The following SACS variants were observed in gnomAD, a reference collection of about 807,000 sequenced individuals.
SACS encodes sacsin.
SACS carries 197 observed loss-of-function variants against 348.0 expected under a neutral mutation model. That is an observed-to-expected ratio of 0.57 (90% CI 0.50 to 0.64). The LOEUF is 0.64. SACS is among the 30% of genes least tolerant of loss of function. The pLI is 0.00. For missense variants in SACS, 4,999 were observed against 5,360.8 expected (o/e 0.93, Z 2.11); for synonymous variants, 1,985 against 1,910.6 (o/e 1.04, Z -1.02).
intron 9 of SACS, among the ~76,000 whole-genome samples, chr13:23,343,474 CAGG>C (rs1331332664): frequency 6.6e-6 from 1 of 152,182 alleles, no homozygotes; most frequent in Non-Finnish European, 1.5e-5. Flanking sequence ...AACACGAGGT[CAGG>C]AGTTCAAGAC....
intron 2 of SACS, among the ~76,000 whole-genome samples, chr13:23,407,820 G>A (rs1873299816): frequency 6.6e-6 from 1 of 152,146 alleles, no homozygotes; most frequent in South Asian, 2.1e-4. Flanking sequence ...AGTTCAGACA[G>A]AATCCCCTGA....
In SACS at chr13:23,339,468, C is replaced by T; in HGVS notation, c.4408G>A (p.Glu1470Lys). 6.2e-7 allele frequency: 1 copy of T among 1,605,986 alleles called. No individual in the cohort carries two copies. ...LTVRIKNILEEYPSVSDIFKE... is the reference protein window; with the variant it reads ...LTVRIKNILEKYPSVSDIFKE... ...AAAATATCTGACACTGAAGGGTATT[C>T]TTCCAGAATATTTTTAATTCTTACA... Residue 1470 changes from glutamate to lysine, a missense_variant, in exon 10 of 10, where the codon GAA becomes AAA. Glu to Lys is a moderately conservative substitution (Grantham distance 56, BLOSUM62 1). Transcript: ENST00000382292.
In SACS at chr13:23,333,913, A is replaced by C; in HGVS notation, c.9963T>G (p.Phe3321Leu). Reference sequence around the variant, plus strand: ...TACAGCCAGCTTTCATTAGAGCATGAAAAACTTTATCACTCTGGGCATTTG... The same window carrying C: ...TACAGCCAGCTTTCATTAGAGCATGCAAAACTTTATCACTCTGGGCATTTG... Reference protein sequence around the residue: ...VFPNAQSDKVFHALMKAGCIQ... With the variant: ...VFPNAQSDKVLHALMKAGCIQ... The change falls in exon 10 of 10, where the codon TTT becomes TTG. Residue 3321 changes from phenylalanine (F) to leucine (L), a missense_variant. Phe to Leu is a conservative substitution (Grantham distance 22). Around this residue, in one of 6 missense-constraint regions of SACS, gnomAD observed 734 missense variants for 694.0 expected, o/e 1.06. Coordinates refer to ENST00000382292, the MANE Select transcript of SACS (RefSeq NM_014363.6). The C allele has an allele frequency of 6.2e-7, 1 of 1,613,854 alleles. No homozygotes were observed.
At chr13:23,381,759 C>A (rs1440812911) in intron 2 of SACS, among the ~76,000 whole-genome samples, 2 of 148,326 alleles carry the variant, frequency 1.3e-5, no homozygotes, top group African/African-American at 4.9e-5. Context: ...TGCTTACATT[C>A]ATTAAAGGTT....
intron 1 of SACS, among the ~76,000 whole-genome samples, chr13:23,418,513 T>G (rs979071393): frequency 1.4e-5 from 1 of 70,832 alleles, no homozygotes; most frequent in Non-Finnish European, 3.7e-5. Flanking sequence ...CACCCATTTC[T>G]TTTTTTTACC....
chr13:23,422,565 C>T (rs1873994330), intron 1 of SACS, among the ~76,000 whole-genome samples: 1 of 152,110 alleles, frequency 6.6e-6, no homozygotes. Flanking sequence ...TAAGGAATGA[C>T]ATTCCAGAGG....
At chr13:23,429,641 G>C (rs1489198475) in intron 1 of SACS, among the ~76,000 whole-genome samples, 1 of 151,916 alleles carries the variant, frequency 6.6e-6, no homozygotes, top group African/African-American at 2.4e-5. Context: ...GGGATTACAG[G>C]CGTGAGCCAC....
In SACS at chr13:23,390,710, T is replaced by C. The variant is rs184565602; in HGVS notation, c.21-15441A>G. The stretch of plus-strand genomic sequence containing the variant: ...AAGTAAATAAAATCCTAATGTGTTA[T>C]ACTGGGTAATACATTTGTTTTATGT... On this transcript the variant is annotated intron_variant, in intron 2 of 9. Transcript: ENST00000382292. Among the ~76,000 whole-genome samples, 296 of 152,334 alleles carry C rather than the reference T, an allele frequency of 1.9e-3. 3 individuals carry two copies. Among genetic ancestry groups the C allele is most frequent in the African/African-American group, 6.9e-3 (287 of 41,572 alleles).
At chr13:23,375,426 A>C in intron 2 of SACS, 157 bp from the exon 3 acceptor site, 2 of 1,197,880 alleles carry the variant, frequency 1.7e-6, no homozygotes, top group Non-Finnish European at 2.1e-6. Flanking sequence ...GGCCGGCCCT[A>C]CCGCGTCCAC....
intron 1 of SACS, among the ~76,000 whole-genome samples, chr13:23,425,393 T>C: frequency 6.6e-6 from 1 of 152,112 alleles, no homozygotes; most frequent in African/African-American, 2.4e-5. Flanking sequence ...TGTGCCAAAC[T>C]GGGACCTGAT....
At chr13:23,356,836 G>C (rs541705109) in intron 7 of SACS, among the ~76,000 whole-genome samples, 3 of 152,126 alleles carry the variant, frequency 2.0e-5, no homozygotes, top group Non-Finnish European at 2.9e-5. Flanking sequence ...TAATACCTAC[G>C]GTCGTCAAGC....
At chr13:23,359,203 A>T (rs971905474) in intron 6 of SACS, among the ~76,000 whole-genome samples, 2 of 152,188 alleles carry the variant, frequency 1.3e-5, no homozygotes, top group African/African-American at 4.8e-5. Flanking sequence ...AAAAAGAAAA[A>T]GAAATATGGA....
In SACS at chr13:23,333,286, A is replaced by C; in HGVS notation, c.10590T>G (p.Ala3530=). 1 of 1,605,366 alleles carries C rather than the reference A, an allele frequency of 6.2e-7. No individual in the cohort carries two copies. The highest frequency in any genetic ancestry group is 8.5e-7 in the Non-Finnish European group (1 of 1,177,328). The stretch of plus-strand genomic sequence containing the variant: ...GCTTTGCTTGCTTTAGTCTACTGTT[A>C]GCATCATGGATTATCAATAAACTTT... ...KLESLLIIHD[A]NSRLKQAKHF... is the part of the protein sequence containing the mutation. Residue 3530 remains alanine (A), a synonymous_variant, in exon 10 of 10, where the codon GCT becomes GCG. Coordinates refer to ENST00000382292, the MANE Select transcript of SACS (RefSeq NM_014363.6).
chr13:23,360,239 C>G (rs1303475440), intron 6 of SACS, among the ~76,000 whole-genome samples: 1 of 152,060 alleles, frequency 6.6e-6, no homozygotes, highest in Non-Finnish European at 1.5e-5. Context: ...GTATATGATA[C>G]TGTCAGTCTT....
rs1593126754 is a variant in SACS, at chr13:23,335,772, G to A, written c.8104C>T (p.Leu2702Phe). ...LDNCTMFRFP[L>F]RNAEMAKVSE... is the part of the protein sequence containing the mutation. ...ACTTTTGCCATTTCTGCATTACGAA[G>A]AGGAAATCTGAACATTGTGCAATTA... The change falls in exon 10 of 10, where the codon CTT becomes TTT. Residue 2702 changes from leucine to phenylalanine, a missense_variant. Around this residue, in one of 6 missense-constraint regions of SACS, gnomAD observed 3,156 missense variants for 3,380.1 expected, o/e 0.93. Coordinates refer to ENST00000382292, the MANE Select transcript of SACS (RefSeq NM_014363.6). The surrounding 1 kb of genome is among the most constrained non-coding windows in gnomAD (Gnocchi z 4.7). 4.3e-6 allele frequency: 7 copies of A among 1,613,924 alleles called. No individual in the cohort carries two copies. The highest frequency in any genetic ancestry group is 2.7e-5 in the African/African-American group (2 of 74,918).
intron 5 of SACS, among the ~76,000 whole-genome samples, chr13:23,368,036 T>C (rs1871166586): frequency 6.6e-6 from 1 of 152,218 alleles, no homozygotes; most frequent in South Asian, 2.1e-4. Context: ...TTCAAGCCTC[T>C]AATCGTAGAA....
At position 23,408,131 on chromosome 13, in the gene SACS, G is replaced by C. The variant is rs115547216; in HGVS notation, c.20+3089C>G. 8.5e-3 allele frequency among the ~76,000 whole-genome samples: 1,289 copies of C among 152,280 alleles called. 16 individuals are homozygous for C. Among genetic ancestry groups the C allele is most frequent in the African/African-American group, 0.03 (1,251 of 41,544 alleles). On this transcript the variant is annotated intron_variant, in intron 2 of 9. Coordinates refer to ENST00000382292, the MANE Select transcript of SACS (RefSeq NM_014363.6). ...GGTGTCAGAATATGATTTTGAGCAA[G>C]TCATGTGACTTCAGTTGTCACATTC...
Position 23,412,668 on chromosome 13 carries a change from G to A in SACS, c.-501-928C>T, listed in dbSNP as rs193053333. 2.0e-5 allele frequency among the ~76,000 whole-genome samples: 3 copies of A among 152,026 alleles called. No homozygotes were observed. The East Asian group carries it at 5.8e-4, about 30-fold the overall frequency. On this transcript the variant is annotated intron_variant, in intron 1 of 9. Coordinates refer to ENST00000382292, the MANE Select transcript of SACS (RefSeq NM_014363.6). The stretch of plus-strand genomic sequence containing the variant: ...ACCTCAAGTGATCTCCCTGCCTCTC[G>A]AGCTCCCAAACTGCTGGGATTACAG...
At chr13:23,358,534 G>A in intron 6 of SACS, 53 bp from the exon 7 acceptor site, 2 of 1,592,546 alleles carry the variant, frequency 1.3e-6, no homozygotes, top group Non-Finnish European at 1.7e-6. Context: ...AGGGTGTTCT[G>A]TTCTATCTCA....
Sources: allele counts gnomAD v4.1 joint callset (sites outside exome capture counted in the v4.1 genomes callset), GRCh38; gene constraint gnomAD v4.1.1; regional missense constraint gnomAD v4.1.1; non-coding constraint Gnocchi (gnomAD v3.1); transcripts MANE v1.5; gene names NCBI Gene and HGNC (gene_info 2026-07-23, HGNC 2026-07-21).